PTPRD: variants seen among roughly 807,000 people sequenced by gnomAD.
The protein encoded by PTPRD is receptor-type tyrosine-protein phosphatase delta.
A neutral mutation model predicts 214.5 loss-of-function variants in PTPRD; 34 were observed. That is an observed-to-expected ratio of 0.16 (90% CI 0.12 to 0.21). The LOEUF (loss-of-function observed/expected upper bound fraction) is 0.21. PTPRD is among the 10% of genes least tolerant of loss of function. The probability of loss-of-function intolerance (pLI) is 1.00; values close to 1 mark genes in which losing one functional copy is unlikely to be tolerated. For missense variants in PTPRD, 2,545 were observed against 2,398.7 expected (o/e 1.06, Z -1.27); for synonymous variants, 1,128 against 845.7 (o/e 1.33, Z -5.79).
At chr9:10,278,991 A>C (rs113565738) in intron 3 of PTPRD, among the ~76,000 whole-genome samples, 1 of 151,920 alleles carries the variant, frequency 6.6e-6, no homozygotes, top group Non-Finnish European at 1.5e-5. Flanking sequence ...AGCCAGGATG[A>C]TCTCGATCTC....
chr9:9,582,394 C>T (rs1029779245), intron 7 of PTPRD, among the ~76,000 whole-genome samples: 15 of 151,994 alleles, frequency 9.9e-5, no homozygotes, highest in African/African-American at 3.4e-4. Context: ...TCATAAGAGG[C>T]CACCCCAACC....
At chr9:8,882,276 C>A (rs913372812) in intron 11 of PTPRD, among the ~76,000 whole-genome samples, 1 of 152,106 alleles carries the variant, frequency 6.6e-6, no homozygotes, top group Non-Finnish European at 1.5e-5. Flanking sequence ...TAGTATCTCA[C>A]TTTAAACTTA....
intron 5 of PTPRD, among the ~76,000 whole-genome samples, chr9:9,904,685 C>G (rs756143941): frequency 8.6e-5 from 13 of 151,898 alleles, no homozygotes; most frequent in Non-Finnish European, 1.9e-4. Context: ...ATTAGATAAA[C>G]ATAAGGCAAA....
intron 10 of PTPRD, among the ~76,000 whole-genome samples, chr9:9,139,089 G>C (rs1226374251): frequency 6.6e-6 from 1 of 151,942 alleles, no homozygotes; most frequent in Non-Finnish European, 1.5e-5. Context: ...TAGCTATGCA[G>C]GAGCCCCCCT....
intron 11 of PTPRD, among the ~76,000 whole-genome samples, chr9:8,966,706 T>C (rs1346282607): frequency 6.6e-6 from 1 of 152,018 alleles, no homozygotes; most frequent in Non-Finnish European, 1.5e-5. Flanking sequence ...GGAAAAGAAT[T>C]TATTACTAAG....
rs554498400 is a variant in PTPRD, at chr9:10,093,722, C to A, written c.-544-59932G>T. 2.9e-4 allele frequency among the ~76,000 whole-genome samples: 44 copies of A among 151,294 alleles called. No homozygotes were observed. In the East Asian group the frequency reaches 8.6e-3, roughly 30 times the overall value. On this transcript the variant is annotated intron_variant, in intron 3 of 45. Coordinates refer to ENST00000381196, the MANE Select transcript of PTPRD (RefSeq NM_002839.4). The stretch of plus-strand genomic sequence containing the variant: ...GCCCATCTATGGTGGATCGGATAAA[C>A]AAAATTTGATACATCTTGGAATACT...
chr9:9,689,150 T>C lies in PTPRD; in HGVS notation c.-287+45383A>G, dbSNP rs139801090. Among the ~76,000 whole-genome samples the C allele has an allele frequency of 5.0e-3, 754 of 151,942 alleles. 9 individuals carry two copies. The highest frequency in any genetic ancestry group is 0.017 in the African/African-American group (718 of 41,516). On this transcript the variant is annotated intron_variant, in intron 7 of 45. Transcript: ENST00000381196. The stretch of plus-strand genomic sequence containing the variant: ...CTTATCAATTGTATAACGATAAAAA[T>C]TATGGTTTTAGATTCCAATTTCACG...
chr9:8,474,693 C>T (rs530123571), intron 30 of PTPRD, among the ~76,000 whole-genome samples: 2 of 152,232 alleles, frequency 1.3e-5, no homozygotes, highest in East Asian at 3.9e-4. Flanking sequence ...AAACCCTGGA[C>T]GTTCAAACCA....
intron 3 of PTPRD, among the ~76,000 whole-genome samples, chr9:10,314,047 G>A (rs145932355): frequency 4.5e-4 from 69 of 152,008 alleles, no homozygotes; most frequent in African/African-American, 1.5e-3. Context: ...GCTTATAAGT[G>A]AGAGATAGTT....
At chr9:9,288,339 T>C (rs1950139498) in intron 9 of PTPRD, among the ~76,000 whole-genome samples, 1 of 151,860 alleles carries the variant, frequency 6.6e-6, no homozygotes, top group South Asian at 2.1e-4. Context: ...TACCCTCCTC[T>C]ACTCTGGACC....
chr9:10,371,356 T>A (rs954051783), intron 2 of PTPRD, among the ~76,000 whole-genome samples: 2 of 152,088 alleles, frequency 1.3e-5, no homozygotes, highest in African/African-American at 4.8e-5. Flanking sequence ...GAACTGCATA[T>A]TAGTATTATG....
intron 11 of PTPRD, among the ~76,000 whole-genome samples, chr9:8,934,761 T>C (rs2098985039): frequency 6.6e-6 from 1 of 151,122 alleles, no homozygotes; most frequent in Non-Finnish European, 1.5e-5. Flanking sequence ...TACTAACATC[T>C]CCCTGTCTCT....
Position 9,747,649 on chromosome 9 carries a change from C to T in PTPRD, c.-325-13078G>A, listed in dbSNP as rs149784955. On this transcript the variant is annotated intron_variant, in intron 6 of 45. Coordinates refer to ENST00000381196, the MANE Select transcript of PTPRD (RefSeq NM_002839.4). Reference sequence around the variant, plus strand: ...GCAACCTTCGTCTCGCAGGTTCACACAATTCTCCTGCCTCAGCCTCCTGAG... The same window carrying T: ...GCAACCTTCGTCTCGCAGGTTCACATAATTCTCCTGCCTCAGCCTCCTGAG... Among the ~76,000 whole-genome samples the T allele has an allele frequency of 4.2e-3, 634 of 151,096 alleles. 4 individuals are homozygous for T. Among genetic ancestry groups the T allele is most frequent in the African/African-American group, 0.014 (592 of 41,184 alleles).
chr9:9,034,457 T>C (rs1238831343), intron 10 of PTPRD, among the ~76,000 whole-genome samples: 1 of 152,194 alleles, frequency 6.6e-6, no homozygotes, highest in East Asian at 1.9e-4. Flanking sequence ...CCCAAGGTTG[T>C]TGTGAACATC....
intron 14 of PTPRD, among the ~76,000 whole-genome samples, chr9:8,598,353 C>T (rs1049365034): frequency 5.3e-5 from 8 of 151,772 alleles, no homozygotes; most frequent in East Asian, 1.9e-4. Context: ...CCCAGTTACT[C>T]GGGAGGCTGA....
At chr9:9,236,468 T>A (rs1485655224) in intron 9 of PTPRD, among the ~76,000 whole-genome samples, 3 of 151,760 alleles carry the variant, frequency 2.0e-5, no homozygotes, top group African/African-American at 7.3e-5. Context: ...TAAATTCTCC[T>A]CTCTGCCCTC....
At chr9:10,136,393 T>C (rs990311131) in intron 3 of PTPRD, among the ~76,000 whole-genome samples, 19 of 152,180 alleles carry the variant, frequency 1.2e-4, no homozygotes, top group African/African-American at 4.3e-4. Context: ...CTAATAGATA[T>C]TTACAGAATA....
chr9:9,100,659 A>G (rs2154440747), intron 10 of PTPRD, among the ~76,000 whole-genome samples: 1 of 152,302 alleles, frequency 6.6e-6, no homozygotes, highest in Middle Eastern at 3.4e-3. Flanking sequence ...CTTTATAGGT[A>G]AAAGTCCTGA....
chr9:9,986,844 T>A (rs186856278), intron 4 of PTPRD, among the ~76,000 whole-genome samples: 3 of 152,236 alleles, frequency 2.0e-5, no homozygotes, highest in African/African-American at 7.2e-5. Context: ...ACAATGGGCA[T>A]ATAGTTAACT....
Sources: gnomAD v4.1 joint callset for allele counts (sites outside exome capture counted in the v4.1 genomes callset) on GRCh38, gnomAD v4.1.1 for gene constraint, MANE v1.5 for transcripts, NCBI Gene and HGNC (gene_info 2026-07-23, HGNC 2026-07-21) for gene names.